Variants in TXLNB observed in about 807,000 individuals in gnomAD.
TXLNB encodes beta-taxilin.
TXLNB carries 37 observed loss-of-function variants against 57.4 expected under a neutral mutation model. The ratio of observed to expected loss-of-function variants is 0.64; its 90% confidence interval spans 0.50 to 0.85. The LOEUF is 0.85. TXLNB is among the 40% of genes least tolerant of loss of function. TXLNB has a pLI of 0.00. For missense variants in TXLNB, 848 were observed against 825.6 expected, an observed-to-expected ratio of 1.03 and a Z score of -0.33; for synonymous variants, 302 against 309.6, an observed-to-expected ratio of 0.98 and a Z score of 0.26.
intron 4 of TXLNB, among the ~76,000 whole-genome samples, chr6:139,266,638 A>G (rs909079300): frequency 2.0e-5 from 3 of 152,194 alleles, no homozygotes; most frequent in Admixed American, 2.0e-4. Context: ...CAGAGTTAGA[A>G]TCTTAGAAGG....
chr6:139,296,040 C>CA (rs974375962), upstream of TXLNB, among the ~76,000 whole-genome samples: 3 of 152,140 alleles, frequency 2.0e-5, no homozygotes, highest in Non-Finnish European at 4.4e-5. Flanking sequence ...CTTGACCCCC[C>CA]CCTCCTCCAG....
the TXLNB span, chr6:139,234,075 C>A: frequency 6.6e-6 from 1 of 152,152 alleles, no homozygotes; most frequent in Non-Finnish European, 1.5e-5. Context: ...AGCATTTTGC[C>A]CCTGCCCTAG....
chr6:139,166,345 C>T, the TXLNB span: 196 of 1,613,696 alleles, frequency 1.2e-4, no homozygotes, highest in Non-Finnish European at 1.6e-4. Flanking sequence ...TGGAGAAGGA[C>T]GACTACCAGA....
the TXLNB span, among the ~76,000 whole-genome samples, chr6:139,173,922 A>G: frequency 6.6e-6 from 1 of 152,236 alleles, no homozygotes; most frequent in Non-Finnish European, 1.5e-5. Flanking sequence ...ATTCTGGGCT[A>G]TCAGTCCCCA....
chr6:139,309,288 A>G, the TXLNB span, among the ~76,000 whole-genome samples: 2 of 152,204 alleles, frequency 1.3e-5, no homozygotes, highest in Non-Finnish European at 2.9e-5. Context: ...CTGATTTTCC[A>G]TATTTCTTAG....
intron 2 of TXLNB, among the ~76,000 whole-genome samples, chr6:139,286,284 G>C (rs1777172708): frequency 6.7e-6 from 1 of 149,734 alleles, no homozygotes; most frequent in East Asian, 1.9e-4. Context: ...GTCTGGTCTA[G>C]GTTCTAGCTT....
At chr6:139,287,271 G>C (rs1026417875) in intron 2 of TXLNB, 27 of 152,370 alleles carry the variant, frequency 1.8e-4, no homozygotes, top group African/African-American at 5.8e-4. Flanking sequence ...CAGCACTACT[G>C]TTTGTAAGCC....
chr6:139,258,750 G>T (rs62441199), intron 6 of TXLNB, among the ~76,000 whole-genome samples: 1 of 152,094 alleles, frequency 6.6e-6, no homozygotes, highest in African/African-American at 2.4e-5. Context: ...AGATACATGC[G>T]TCAACTCATA....
At chr6:139,228,526 C>CAAAAA in the TXLNB span, among the ~76,000 whole-genome samples, 4 of 44,284 alleles carry the variant, frequency 9.0e-5, no homozygotes, top group African/African-American at 2.2e-4. Context: ...AACTCCATCT[C>CAAAAA]AAAAAAAAAA....
At chr6:139,182,546 TTATC>T in the TXLNB span, among the ~76,000 whole-genome samples, 1 of 152,236 alleles carries the variant, frequency 6.6e-6, no homozygotes, top group African/African-American at 2.4e-5. Context: ...AGATTGCTAA[TTATC>T]TAGGCTGTTT....
chr6:139,280,274 A>C (rs1163353441), intron 2 of TXLNB, among the ~76,000 whole-genome samples: 1 of 150,148 alleles, frequency 6.7e-6, no homozygotes, highest in Non-Finnish European at 1.5e-5. Flanking sequence ...AAAAAAAAAA[A>C]AGAAAGAAAG....
the TXLNB span, chr6:139,174,243 C>T: frequency 1.1e-6 from 1 of 916,272 alleles, no homozygotes; most frequent in East Asian, 2.8e-5. Flanking sequence ...AGCTTGTGTA[C>T]TAAATATTGA....
chr6:139,209,273 C>T, the TXLNB span, among the ~76,000 whole-genome samples: 1 of 152,082 alleles, frequency 6.6e-6, no homozygotes. Context: ...AGGAAAACTA[C>T]AAAACACTGC....
At chr6:139,278,701 T>C (rs552115448) in intron 2 of TXLNB, among the ~76,000 whole-genome samples, 1 of 152,276 alleles carries the variant, frequency 6.6e-6, no homozygotes, top group East Asian at 1.9e-4. Context: ...TAAATGATGA[T>C]AATAATAGAA....
At chr6:139,250,929 G>A (rs890730621) in intron 7 of TXLNB, among the ~76,000 whole-genome samples, 3 of 152,146 alleles carry the variant, frequency 2.0e-5, no homozygotes, top group Non-Finnish European at 2.9e-5. Flanking sequence ...TTTTCCATGT[G>A]TACCTGTTAT....
the TXLNB span, among the ~76,000 whole-genome samples, chr6:139,224,437 T>TA: frequency 6.6e-6 from 1 of 151,690 alleles, no homozygotes; most frequent in Non-Finnish European, 1.5e-5. Flanking sequence ...CCCTAAAACT[T>TA]AAAGTATAAT....
Position 139,247,881 on chromosome 6 carries a change from TC to T in TXLNB, c.1105del (p.Glu369AsnfsTer6). The T allele has an allele frequency of 6.2e-7, 1 of 1,607,524 alleles. No individual in the cohort carries two copies. Among genetic ancestry groups the T allele is most frequent in the Non-Finnish European group, 8.5e-7 (1 of 1,176,780 alleles). ...GCTTTTAGTTAGTGTGCTCTGGAAT[TC>T]TTCAAACCTTCCTGAGTAGAGAGTG... Reference protein sequence around the residue: ...QLTLYSGRFEEFQSTLTKSNE... With the variant: ...QLTLYSGRFEXFQSTLTKSNE... On this transcript the variant is annotated frameshift_variant, in exon 8 of 10. Coordinates refer to ENST00000358430, the MANE Select transcript of TXLNB (RefSeq NM_153235.4). LOFTEE classifies it high-confidence loss of function.
chr6:139,189,662 G>A, the TXLNB span, among the ~76,000 whole-genome samples: 1 of 152,220 alleles, frequency 6.6e-6, no homozygotes, highest in Non-Finnish European at 1.5e-5. Context: ...TTGGGCCAAG[G>A]AAGTAAGCTT....
chr6:139,218,335 A>T, the TXLNB span, among the ~76,000 whole-genome samples: 1 of 152,250 alleles, frequency 6.6e-6, no homozygotes, highest in Non-Finnish European at 1.5e-5. Context: ...ATTAACACAC[A>T]TAGATGAGTT....
Sources: gnomAD v4.1 joint callset for allele counts (sites outside exome capture counted in the v4.1 genomes callset) on GRCh38, gnomAD v4.1.1 for gene constraint, MANE v1.5 for transcripts, NCBI Gene and HGNC (gene_info 2026-07-23, HGNC 2026-07-21) for gene names.